PIGU: variants seen among roughly 807,000 people sequenced by gnomAD.
The protein encoded by PIGU is phosphatidylinositol glycan anchor biosynthesis class U, also known as GPI-anchor transamidase component PIGU.
Under a neutral mutation model 49.9 loss-of-function variants are expected in PIGU, and 24 were observed. The observed-to-expected ratio is 0.48, with a 90% CI of 0.35 to 0.68. The LOEUF (loss-of-function observed/expected upper bound fraction) is 0.68. PIGU is among the 30% of genes least tolerant of loss of function. The pLI is 0.01. For synonymous variants in PIGU, 220 were observed against 205.7 expected, an observed-to-expected ratio of 1.07 and a Z score of -0.59; for missense variants, 490 against 532.6, an observed-to-expected ratio of 0.92 and a Z score of 0.79.
chr20:34,576,042 C>A (rs1407044985), intron 10 of PIGU, among the ~76,000 whole-genome samples: 1 of 152,112 alleles, frequency 6.6e-6, no homozygotes, highest in African/African-American at 2.4e-5. Flanking sequence ...GCTTCCTCAT[C>A]TGTAAACTGA....
intron 2 of PIGU, among the ~76,000 whole-genome samples, chr20:34,651,769 T>C (rs997677399): frequency 7.9e-5 from 12 of 152,248 alleles, no homozygotes; most frequent in African/African-American, 2.9e-4. Context: ...CAAGTTAGCA[T>C]GGTAGCAAGA....
intron 1 of PIGU, among the ~76,000 whole-genome samples, chr20:34,667,610 A>C (rs1987144080): frequency 6.6e-6 from 1 of 152,204 alleles, no homozygotes. Context: ...AAAATATCCA[A>C]ATCTATACTG....
chr20:34,604,205 T>C (rs1984533255), intron 7 of PIGU, among the ~76,000 whole-genome samples: 1 of 152,070 alleles, frequency 6.6e-6, no homozygotes, highest in Non-Finnish European at 1.5e-5. Flanking sequence ...TGCTAATATA[T>C]AAAAAATATT....
At chr20:34,575,349 G>T (rs1412074393) in intron 10 of PIGU, 103 bp from the exon 11 acceptor site, 2 of 1,394,804 alleles carry the variant, frequency 1.4e-6, no homozygotes, top group Non-Finnish European at 1.9e-6. Flanking sequence ...TGAGCATCAT[G>T]TAGCTCAAAG....
intron 2 of PIGU, among the ~76,000 whole-genome samples, chr20:34,647,357 G>A (rs1844795598): frequency 6.6e-6 from 1 of 151,558 alleles, no homozygotes; most frequent in African/African-American, 2.4e-5. Flanking sequence ...CACCTCCCGG[G>A]TTCAAGCGAT....
At chr20:34,611,830 C>T (rs115431371) in intron 7 of PIGU, among the ~76,000 whole-genome samples, 2,496 of 152,130 alleles carry the variant, frequency 0.016, 86 homozygotes, top group African/African-American at 0.058. Context: ...CTCACGCCAG[C>T]TGGAATGGCG....
In PIGU at chr20:34,593,717, C is replaced by T. The variant is rs554668861; in HGVS notation, c.628-5110G>A. 2.0e-5 allele frequency among the ~76,000 whole-genome samples: 3 copies of T among 152,258 alleles called. No individual in the cohort carries two copies. In the East Asian group the frequency reaches 5.8e-4, roughly 29 times the overall value. Reference sequence around the variant, plus strand: ...CTCACACCATTCACAAGAATAAACTCCAAATAGCTTAGGGATCCAAATATA... The same window carrying T: ...CTCACACCATTCACAAGAATAAACTTCAAATAGCTTAGGGATCCAAATATA... On this transcript the variant is annotated intron_variant, in intron 7 of 11. Transcript: ENST00000217446.
chr20:34,570,994 CAT>C (rs965941146), intron 11 of PIGU, among the ~76,000 whole-genome samples: 6 of 152,214 alleles, frequency 3.9e-5, no homozygotes, highest in African/African-American at 7.2e-5. Context: ...TGTCAACACA[CAT>C]GAGTAATGGC....
chr20:34,569,040 T>C (rs1982894765), intron 11 of PIGU, among the ~76,000 whole-genome samples: 1 of 151,796 alleles, frequency 6.6e-6, no homozygotes, highest in African/African-American at 2.4e-5. Context: ...ACCCTGTCTC[T>C]ACCAAAAATT....
intron 6 of PIGU, among the ~76,000 whole-genome samples, chr20:34,625,534 A>G (rs1023504820): frequency 6.6e-6 from 1 of 151,044 alleles, no homozygotes; most frequent in African/African-American, 2.4e-5. Flanking sequence ...TGCTGGGCAC[A>G]GTGGCTCACA....
intron 7 of PIGU, among the ~76,000 whole-genome samples, chr20:34,600,397 A>G: frequency 6.6e-6 from 1 of 151,854 alleles, no homozygotes; most frequent in East Asian, 1.9e-4. Context: ...ACAGAGAAAA[A>G]AGAGAAGAGA....
chr20:34,573,494 T>C (rs2146697881), intron 11 of PIGU, among the ~76,000 whole-genome samples: 1 of 152,286 alleles, frequency 6.6e-6, no homozygotes. Flanking sequence ...CATGGATGCT[T>C]CATAATCACT....
intron 2 of PIGU, among the ~76,000 whole-genome samples, chr20:34,654,660 AAAAC>A (rs1342154701): frequency 1.7e-5 from 2 of 120,288 alleles, no homozygotes. Context: ...GAAGAGCCAA[AAAAC>A]AAACAAAAAA....
At position 34,604,997 on chromosome 20, in the gene PIGU, C is replaced by T. The variant is rs144393329; in HGVS notation, c.627+11045G>A. 2.6e-5 allele frequency among the ~76,000 whole-genome samples: 4 copies of T among 152,222 alleles called. No individual in the cohort carries two copies. In the East Asian group the frequency reaches 7.7e-4, roughly 29 times the overall value. ...GAACTAGAAACTTCCCAGACTGCACCATGAGCATCTCGGTAAGCCTCGCCT... is the reference window on the plus strand; with the variant it reads ...GAACTAGAAACTTCCCAGACTGCACTATGAGCATCTCGGTAAGCCTCGCCT... On this transcript the variant is annotated intron_variant, in intron 7 of 11. Coordinates refer to ENST00000217446, the MANE Select transcript of PIGU (RefSeq NM_080476.5).
In PIGU at chr20:34,634,727, C is replaced by T. The variant is rs1985904631; in HGVS notation, c.429-12G>A. 1 of 1,609,564 alleles carries T rather than the reference C, an allele frequency of 6.2e-7. No individual in the cohort carries two copies. The highest frequency in any genetic ancestry group is 1.3e-5 in the African/African-American group (1 of 74,786). On this transcript the variant is annotated splice_polypyrimidine_tract_variant and intron_variant, in intron 5 of 11. Transcript: ENST00000217446. Reference sequence around the variant, plus strand: ...GATTTAAGAGATAGCTGGGGAAGAACAAACATATTTGGCATTAGTAATCCT... The same window carrying T: ...GATTTAAGAGATAGCTGGGGAAGAATAAACATATTTGGCATTAGTAATCCT...
At chr20:34,581,703 G>C in intron 9 of PIGU, 31 bp from the exon 10 acceptor site, 1 of 1,504,694 alleles carries the variant, frequency 6.6e-7, no homozygotes, top group Non-Finnish European at 9.1e-7. Flanking sequence ...GAGAGAGAGA[G>C]ATGAGTCAGG....
intron 11 of PIGU, among the ~76,000 whole-genome samples, chr20:34,561,527 T>C (rs1982509337): frequency 6.6e-6 from 1 of 152,056 alleles, no homozygotes; most frequent in Admixed American, 6.6e-5. Context: ...TCATCTCATC[T>C]CCTAAACAAC....
At chr20:34,566,215 A>C (rs1204249535) in intron 11 of PIGU, among the ~76,000 whole-genome samples, 1 of 152,140 alleles carries the variant, frequency 6.6e-6, no homozygotes, top group Non-Finnish European at 1.5e-5. Context: ...GTCTTCTCTA[A>C]CCCTGCATTG....
intron 4 of PIGU, among the ~76,000 whole-genome samples, chr20:34,640,533 A>C (rs1413950086): frequency 7.5e-6 from 1 of 134,130 alleles, no homozygotes; most frequent in Non-Finnish European, 1.5e-5. Context: ...ACACACACAC[A>C]CACCCCTTAA....
Sources: gnomAD v4.1 joint callset for allele counts (sites outside exome capture counted in the v4.1 genomes callset) on GRCh38, gnomAD v4.1.1 for gene constraint, MANE v1.5 for transcripts, NCBI Gene and HGNC (gene_info 2026-07-23, HGNC 2026-07-21) for gene names.